Variants in GOLPH3L observed in about 807,000 individuals in gnomAD.
GOLPH3L encodes golgi phosphoprotein 3 like, also known as Golgi phosphoprotein 3-like.
In GOLPH3L, 22 loss-of-function variants were observed where a neutral mutation model predicts 30.3. That is an observed-to-expected ratio of 0.73 (90% CI 0.52 to 1.04). The LOEUF is 1.04. GOLPH3L is among the 50% of genes least tolerant of loss of function. The pLI, the probability that GOLPH3L is intolerant of heterozygous loss-of-function variation, is 0.00. For missense variants in GOLPH3L, 303 were observed against 345.8 expected (o/e 0.88, Z 0.98); for synonymous variants, 120 against 128.2 (o/e 0.94, Z 0.43).
intron 4 of GOLPH3L, among the ~76,000 whole-genome samples, chr1:150,660,388 T>C (rs1650340917): frequency 6.6e-6 from 1 of 152,096 alleles, no homozygotes; most frequent in Non-Finnish European, 1.5e-5. Flanking sequence ...TCTCAAAAGG[T>C]TAAACATAAA....
At chr1:150,653,175 C>CAAAAAAAAAA (rs757485843) in intron 4 of GOLPH3L, among the ~76,000 whole-genome samples, 20 of 76,102 alleles carry the variant, frequency 2.6e-4, no homozygotes, top group African/African-American at 5.6e-4. Flanking sequence ...GCCAAAAAAA[C>CAAAAAAAAAA]AAAAAAAAAA....
chr1:150,658,499 G>A (rs1650298226), intron 4 of GOLPH3L, among the ~76,000 whole-genome samples: 1 of 152,144 alleles, frequency 6.6e-6, no homozygotes, highest in African/African-American at 2.4e-5. Context: ...TGCTCCTATA[G>A]TTGAGGCATA....
At position 150,694,755 on chromosome 1, in the gene GOLPH3L, A is replaced by G; in HGVS notation, c.84T>C (p.Asn28=). ...EKKMESEEDS[N]WEKSPDNEDS... ...CTTCATTGTCTGGACTTTTCTCCCA[A>G]TTACTGTCTTCCTCACTTTCCATCT... Residue 28 remains asparagine (N), a synonymous_variant, in exon 2 of 5, where the codon AAT becomes AAC. Transcript: ENST00000271732. The G allele has an allele frequency of 6.2e-7, 1 of 1,611,102 alleles. No individual in the cohort carries two copies. Among genetic ancestry groups the G allele is most frequent in the African/African-American group, 1.3e-5 (1 of 74,900 alleles).
intron 4 of GOLPH3L, among the ~76,000 whole-genome samples, chr1:150,655,302 T>C (rs1650215582): frequency 6.6e-6 from 1 of 152,182 alleles, no homozygotes; most frequent in Non-Finnish European, 1.5e-5. Context: ...TCAAAGTAGT[T>C]ACATTTTCCA....
At chr1:150,665,425 C>T (rs909711797) in intron 2 of GOLPH3L, among the ~76,000 whole-genome samples, 1 of 151,912 alleles carries the variant, frequency 6.6e-6, no homozygotes, top group Non-Finnish European at 1.5e-5. Flanking sequence ...CTCCAGGGCT[C>T]AAACAATTGT....
intron 2 of GOLPH3L, among the ~76,000 whole-genome samples, chr1:150,680,212 T>C (rs1032963495): frequency 1.3e-5 from 2 of 152,152 alleles, no homozygotes; most frequent in African/African-American, 4.8e-5. Context: ...AATTCTTTCA[T>C]GTATTTCCAA....
intron 2 of GOLPH3L, among the ~76,000 whole-genome samples, chr1:150,674,828 G>A (rs1416238976): frequency 6.6e-6 from 1 of 151,908 alleles, no homozygotes; most frequent in Admixed American, 6.5e-5. Context: ...GGAGGTCAAG[G>A]GGGCAGTGAG....
At chr1:150,680,569 G>T (rs1650926744) in intron 2 of GOLPH3L, among the ~76,000 whole-genome samples, 1 of 152,034 alleles carries the variant, frequency 6.6e-6, no homozygotes, top group African/African-American at 2.4e-5. Context: ...AATAACTAAG[G>T]TCAGGCCATT....
At chr1:150,693,854 T>A (rs1416217356) in intron 2 of GOLPH3L, among the ~76,000 whole-genome samples, 1 of 77,966 alleles carries the variant, frequency 1.3e-5, no homozygotes, top group East Asian at 3.1e-4. Context: ...TATATTTTTT[T>A]TTTTTTTTTT....
chr1:150,676,697 G>T (rs1650787034), intron 2 of GOLPH3L, among the ~76,000 whole-genome samples: 1 of 148,392 alleles, frequency 6.7e-6, no homozygotes, highest in Non-Finnish European at 1.5e-5. Context: ...AGGCTGGAGT[G>T]CAATGGCTCG....
chr1:150,660,664 G>A (rs1006856355), intron 4 of GOLPH3L, among the ~76,000 whole-genome samples: 1 of 152,190 alleles, frequency 6.6e-6, no homozygotes, highest in African/African-American at 2.4e-5. Context: ...ATTATGCTTG[G>A]TGAATAAGCT....
At chr1:150,671,529 G>A (rs957026279) in intron 2 of GOLPH3L, among the ~76,000 whole-genome samples, 13 of 151,952 alleles carry the variant, frequency 8.6e-5, no homozygotes, top group Admixed American at 3.3e-4. Flanking sequence ...AAGAAGGGCC[G>A]GGCGCGGTGG....
chr1:150,658,527 T>C (rs1307830899), intron 4 of GOLPH3L, among the ~76,000 whole-genome samples: 8 of 152,214 alleles, frequency 5.3e-5, no homozygotes, highest in Admixed American at 5.2e-4. Flanking sequence ...CAGAAACCTA[T>C]GTGTAAACAA....
intron 2 of GOLPH3L, among the ~76,000 whole-genome samples, chr1:150,673,788 G>T (rs1650698935): frequency 6.6e-6 from 1 of 150,682 alleles, no homozygotes; most frequent in African/African-American, 2.4e-5. Flanking sequence ...AAAAAAACTG[G>T]CCGGGTGCGT....
intron 4 of GOLPH3L, among the ~76,000 whole-genome samples, chr1:150,654,149 GAGAT>G (rs1365092531): frequency 3.9e-5 from 6 of 152,024 alleles, no homozygotes; most frequent in African/African-American, 1.4e-4. Context: ...TATCAATAAA[GAGAT>G]AGAGAAAGGG....
At chr1:150,680,946 A>C (rs936670029) in intron 2 of GOLPH3L, among the ~76,000 whole-genome samples, 66 of 152,046 alleles carry the variant, frequency 4.3e-4, no homozygotes, top group Admixed American at 9.2e-4. Context: ...TCAAGACCAG[A>C]CTGGGCAACA....
chr1:150,655,299 A>G (rs905267873), intron 4 of GOLPH3L, among the ~76,000 whole-genome samples: 1 of 152,188 alleles, frequency 6.6e-6, no homozygotes, highest in Non-Finnish European at 1.5e-5. Context: ...GTATCAAAGT[A>G]GTTACATTTT....
intron 2 of GOLPH3L, among the ~76,000 whole-genome samples, chr1:150,679,909 C>T (rs866017622): frequency 6.6e-6 from 1 of 151,722 alleles, no homozygotes; most frequent in African/African-American, 2.4e-5. Context: ...GTTCGAGACC[C>T]GCCTGGCTAA....
At chr1:150,669,709 C>G (rs1650597985) in intron 2 of GOLPH3L, among the ~76,000 whole-genome samples, 1 of 152,162 alleles carries the variant, frequency 6.6e-6, no homozygotes. Flanking sequence ...CACCTGTAAT[C>G]CCTGCACTTT....
Sources: gnomAD v4.1 joint callset for allele counts (sites outside exome capture counted in the v4.1 genomes callset) on GRCh38, gnomAD v4.1.1 for gene constraint, MANE v1.5 for transcripts, NCBI Gene and HGNC (gene_info 2026-07-23, HGNC 2026-07-21) for gene names.